The following GNPAT variants were observed in gnomAD, a reference collection of about 807,000 sequenced individuals.
GNPAT encodes the protein glyceronephosphate O-acyltransferase, also known as dihydroxyacetone phosphate acyltransferase.
Under a neutral mutation model 78.4 loss-of-function variants are expected in GNPAT, and 30 were observed. The ratio of observed to expected loss-of-function variants is 0.38; its 90% CI spans 0.29 to 0.52. GNPAT has a LOEUF of 0.52. Ranked by LOEUF, GNPAT falls within the 20% of genes least tolerant of loss-of-function variation. The pLI is 0.84. For synonymous variants in GNPAT, 271 were observed against 281.1 expected, an observed-to-expected ratio of 0.96 and a Z score of 0.36; for missense variants, 714 against 812.2, an observed-to-expected ratio of 0.88 and a Z score of 1.47.
Position 231,241,291 on chromosome 1 carries a change from C to T in GNPAT, c.-88C>T, listed in dbSNP as rs529367950. On this transcript the variant is annotated 5_prime_UTR_variant, in exon 1 of 16. Coordinates refer to ENST00000366647, the MANE Select transcript of GNPAT (RefSeq NM_014236.4). ...GCCGCCGCCCTAGGCGAAGTAGGGC[C>T]GTCCTGAGCGAAAGAACCGCCCCCA... 5.7e-6 allele frequency: 8 copies of T among 1,394,012 alleles called. No homozygotes were observed. Among genetic ancestry groups the T allele is most frequent in the South Asian group, 3.5e-5 (3 of 86,734 alleles). 86.4% of individuals were successfully genotyped at this position (1,394,012 alleles called of 1,614,324 possible).
intron 2 of GNPAT, among the ~76,000 whole-genome samples, chr1:231,259,476 C>T (rs1418369981): frequency 2.0e-5 from 3 of 151,782 alleles, no homozygotes; most frequent in African/African-American, 4.8e-5. Flanking sequence ...GGAGAAACCC[C>T]GTCTCTCCTA....
chr1:231,255,974 C>T (rs1685044760), intron 2 of GNPAT, among the ~76,000 whole-genome samples: 1 of 152,114 alleles, frequency 6.6e-6, no homozygotes, highest in Non-Finnish European at 1.5e-5. Context: ...TTAATCATTC[C>T]TCATTTGCTT....
chr1:231,263,681 T>C (rs920743267), intron 4 of GNPAT, among the ~76,000 whole-genome samples: 19 of 152,152 alleles, frequency 1.2e-4, no homozygotes, highest in African/African-American at 4.3e-4. Flanking sequence ...CTGCCTTCCT[T>C]AGCAGCTGCA....
chr1:231,257,272 G>A (rs1685092547), intron 2 of GNPAT, among the ~76,000 whole-genome samples: 2 of 151,980 alleles, frequency 1.3e-5, no homozygotes, highest in South Asian at 2.1e-4. Context: ...TCCATCCAGG[G>A]GAAAGTCCTC....
Position 231,271,083 on chromosome 1 carries a change from T to A in GNPAT, c.1522+83T>A. 4 of 1,463,348 alleles carry A rather than the reference T, an allele frequency of 2.7e-6. 1 individual carries two copies. The South Asian group carries it at 4.6e-5, about 17-fold the overall frequency. 90.6% of individuals were successfully genotyped at this position (1,463,348 alleles called of 1,614,324 possible). On this transcript the variant is annotated intron_variant, in intron 10 of 15. Transcript: ENST00000366647. ...TTAGGGAGCCACATTTGAAGCCTTG[T>A]AATGTTCAGCCTCACGCCGGTGAAG...
chr1:231,256,697 A>G (rs969085964), intron 2 of GNPAT, among the ~76,000 whole-genome samples: 3 of 152,094 alleles, frequency 2.0e-5, no homozygotes, highest in South Asian at 2.1e-4. Flanking sequence ...TTTTTTAGCC[A>G]GGATGGTCTC....
At chr1:231,265,565 CTGTGTGACTCTCT>C in intron 5 of GNPAT, 134 bp from the exon 6 acceptor site, 1 of 883,882 alleles carries the variant, frequency 1.1e-6, no homozygotes, top group South Asian at 1.3e-5. Context: ...TTGGTTTAAT[CTGTGTGACTCTCT>C]TGTTTAATTT....
intron 2 of GNPAT, among the ~76,000 whole-genome samples, chr1:231,259,805 A>G (rs991090766): frequency 6.6e-6 from 1 of 152,180 alleles, no homozygotes; most frequent in Non-Finnish European, 1.5e-5. Flanking sequence ...TTTGGGAAGC[A>G]TAAGGATTAC....
chr1:231,260,531 G>A lies in GNPAT; in HGVS notation c.286G>A (p.Val96Met). 1 of 1,610,086 alleles carries A rather than the reference G, an allele frequency of 6.2e-7. No homozygotes were observed. The highest frequency in any genetic ancestry group is 8.5e-7 in the Non-Finnish European group (1 of 1,176,486). Residue 96 changes from valine (V) to methionine (M), a missense_variant, in exon 3 of 16, where the codon GTG becomes ATG. By Grantham distance (21) the Val-to-Met change is conservative (BLOSUM62 1). Transcript: ENST00000366647. ...KQLSKESLQSVDVLREEVSEI... is the reference protein window; with the variant it reads ...KQLSKESLQSMDVLREEVSEI... Reference sequence around the variant, plus strand: ...GCTTTCCAAGGAATCCCTTCAATCTGTGGATGTCCTCCGAGAGGAAGTGAG... The same window carrying A: ...GCTTTCCAAGGAATCCCTTCAATCTATGGATGTCCTCCGAGAGGAAGTGAG...
intron 9 of GNPAT, among the ~76,000 whole-genome samples, chr1:231,269,587 AG>A (rs1685496673): frequency 6.6e-6 from 1 of 152,206 alleles, no homozygotes; most frequent in South Asian, 2.1e-4. Flanking sequence ...GAGACAAATC[AG>A]ACACCTGTTC....
intron 1 of GNPAT, among the ~76,000 whole-genome samples, chr1:231,244,461 G>A (rs1374313542): frequency 6.6e-6 from 1 of 152,138 alleles, no homozygotes; most frequent in Non-Finnish European, 1.5e-5. Flanking sequence ...AAGGAAAATA[G>A]CATAGTCTGA....
rs773146880 is a variant in GNPAT, at chr1:231,241,436, G to A, written c.58G>A (p.Ala20Thr). 6.2e-7 allele frequency: 1 copy of A among 1,613,156 alleles called. No individual in the cohort carries two copies. The highest frequency in any genetic ancestry group is 8.5e-7 in the Non-Finnish European group (1 of 1,179,186). ...CTCCGTTGGCCCAACCAGTCCCAGC[G>A]CTGTCGTGCTCCTCTACTCGGTAGG... is the stretch of plus-strand genomic sequence containing the variant. ...YFSVGPTSPS[A>T]VVLLYSKELK... Residue 20 changes from alanine (A) to threonine (T), a missense_variant, in exon 1 of 16, where the codon GCT (alanine) becomes ACT (threonine). Physicochemically the swap from Ala to Thr is moderately conservative, Grantham distance 58 (BLOSUM62 0). Coordinates refer to ENST00000366647, the MANE Select transcript of GNPAT (RefSeq NM_014236.4).
chr1:231,249,289 A>G (rs929429715), intron 1 of GNPAT, among the ~76,000 whole-genome samples: 3 of 152,204 alleles, frequency 2.0e-5, no homozygotes, highest in Admixed American at 6.5e-5. Flanking sequence ...TTTCCTTCAT[A>G]TAGTCTCTCT....
intron 12 of GNPAT, 21 bp downstream of exon 12, chr1:231,274,083 C>A (rs911742607): frequency 6.2e-7 from 1 of 1,600,556 alleles, no homozygotes; most frequent in Non-Finnish European, 8.6e-7. Context: ...TTGGCAAGTT[C>A]TCCTTCATGC....
rs542756631 is a variant in GNPAT at position 231,244,895 on chromosome 1, C to G, written c.78+3439C>G. Among the ~76,000 whole-genome samples, 4 of 152,324 alleles carry G rather than the reference C, an allele frequency of 2.6e-5. No homozygotes were observed. The East Asian group carries it at 7.7e-4, about 29-fold the overall frequency. ...CCTGTTAAAGTCCAAGTGAAAGATG[C>G]AGATGCCTTACTACAGTGTCCCACA... On this transcript the variant is annotated intron_variant, in intron 1 of 15. Transcript: ENST00000366647.
rs1685008883 is a variant in GNPAT, at chr1:231,255,004, C to G, written c.261+3861C>G. 2.0e-5 allele frequency among the ~76,000 whole-genome samples: 3 copies of G among 152,150 alleles called. No individual in the cohort carries two copies. The South Asian group carries it at 6.2e-4, about 32-fold the overall frequency. On this transcript the variant is annotated intron_variant, in intron 2 of 15. Transcript: ENST00000366647. Reference sequence around the variant, plus strand: ...CTGACCTCAGGTAATCCGCCCACCTCAGCCTCCCAAAGCACTGGGATTACA... The same window carrying G: ...CTGACCTCAGGTAATCCGCCCACCTGAGCCTCCCAAAGCACTGGGATTACA...
chr1:231,267,308 G>A (rs1373897397), intron 8 of GNPAT, among the ~76,000 whole-genome samples: 3 of 152,162 alleles, frequency 2.0e-5, no homozygotes, highest in Non-Finnish European at 4.4e-5. Context: ...TGTTAAGTGT[G>A]TTCTACAATG....
At chr1:231,272,142 T>G (rs909580262) in intron 10 of GNPAT, among the ~76,000 whole-genome samples, 170 bp from the exon 11 acceptor site, 1 of 152,168 alleles carries the variant, frequency 6.6e-6, no homozygotes, top group Admixed American at 6.5e-5. Flanking sequence ...GTTTGCTCTG[T>G]GGGTAAGATT....
chr1:231,270,766 C>A lies in GNPAT; in HGVS notation c.1288C>A (p.Pro430Thr). 13 of 1,613,944 alleles carry A rather than the reference C, an allele frequency of 8.1e-6. No individual in the cohort carries two copies. Among genetic ancestry groups the A allele is most frequent in the Non-Finnish European group, 1.1e-5 (13 of 1,179,896 alleles). ...GGFLIWPDNK[P>T]AEEVVPASIL... ...ATTGTCTTTGTGTGTAGATAATAAA[C>A]CTGCTGAAGAAGTTGTCCCGGCCAG... Residue 430 changes from proline (P) to threonine (T), a missense_variant, in exon 10 of 16, where the codon CCT becomes ACT. Pro to Thr is a conservative substitution (Grantham distance 38, BLOSUM62 -1). Transcript: ENST00000366647.
Sources: allele counts gnomAD v4.1 joint callset (sites outside exome capture counted in the v4.1 genomes callset), GRCh38; gene constraint gnomAD v4.1.1; transcripts MANE v1.5; gene names NCBI Gene and HGNC (gene_info 2026-07-23, HGNC 2026-07-21).